The following DIS3L2 variants were observed in gnomAD, a reference collection of about 807,000 sequenced individuals.
DIS3L2 encodes DIS3-like exonuclease 2.
In DIS3L2, 34 loss-of-function variants were observed where a neutral mutation model predicts 97.5. The ratio of observed to expected loss-of-function variants is 0.35; its 90% CI spans 0.27 to 0.46. The LOEUF is 0.46. Among genes scored for constraint, DIS3L2 ranks in the 20% least tolerant of loss-of-function variants. The pLI, the probability that DIS3L2 is intolerant of heterozygous loss-of-function variation, is 1.00. For missense variants in DIS3L2, 1,038 were observed against 1,146.0 expected (o/e 0.91, Z 1.36); for synonymous variants, 435 against 445.2 (o/e 0.98, Z 0.29).
chr2:231,974,170 G>C (rs1441584438), intron 1 of DIS3L2, among the ~76,000 whole-genome samples: 1 of 152,100 alleles, frequency 6.6e-6, no homozygotes, highest in Non-Finnish European at 1.5e-5. Context: ...TTGGTGAAGT[G>C]GGGGACAAGG....
intron 10 of DIS3L2, among the ~76,000 whole-genome samples, chr2:232,235,895 C>T (rs1052168540): frequency 6.6e-6 from 1 of 152,186 alleles, no homozygotes. Flanking sequence ...AGTGACCCAG[C>T]GACACAGCTG....
chr2:232,087,922 T>C, intron 6 of DIS3L2: 1 of 546,432 alleles, frequency 1.8e-6, no homozygotes, highest in Non-Finnish European at 3.3e-6. Flanking sequence ...TCCAGCGGTT[T>C]GTGTGGGCAG....
intron 10 of DIS3L2, among the ~76,000 whole-genome samples, chr2:232,230,548 C>T (rs1005958312): frequency 3.9e-5 from 6 of 152,200 alleles, no homozygotes; most frequent in African/African-American, 1.4e-4. Flanking sequence ...TGGGTGGAAA[C>T]CAACCTGAGG....
intron 14 of DIS3L2, among the ~76,000 whole-genome samples, chr2:232,321,755 A>G (rs1396518412): frequency 6.6e-6 from 1 of 152,104 alleles, no homozygotes; most frequent in African/African-American, 2.4e-5. Context: ...TTCTGCCCTC[A>G]TCCAACTGCA....
chr2:231,992,653 C>T (rs753977611), intron 1 of DIS3L2, among the ~76,000 whole-genome samples: 9 of 152,080 alleles, frequency 5.9e-5, no homozygotes, highest in Non-Finnish European at 1.0e-4. Context: ...TCACTGAGCC[C>T]CTTGTGATAT....
At chr2:232,309,623 C>T (rs1349319896) in intron 14 of DIS3L2, among the ~76,000 whole-genome samples, 1 of 151,900 alleles carries the variant, frequency 6.6e-6, no homozygotes, top group Non-Finnish European at 1.5e-5. Context: ...GGATTACAGG[C>T]CCGCACAATG....
At position 232,059,478 on chromosome 2, in the gene DIS3L2, T is replaced by A. The variant is rs983487657; in HGVS notation, c.367-28009T>A. Among the ~76,000 whole-genome samples, 19 of 152,208 alleles carry A rather than the reference T, an allele frequency of 1.2e-4. 1 individual carries two copies. Among genetic ancestry groups the A allele is most frequent in the African/African-American group, 4.1e-4 (17 of 41,460 alleles). Reference sequence around the variant, plus strand: ...AGAACAACTCTTTTTACAAATTTTTTAAAAAATAATTTCAACTTTTATTTT... The same window carrying A: ...AGAACAACTCTTTTTACAAATTTTTAAAAAAATAATTTCAACTTTTATTTT... On this transcript the variant is annotated intron_variant, in intron 5 of 20. Transcript: ENST00000325385.
At chr2:232,095,111 A>G (rs1405584413) in intron 6 of DIS3L2, among the ~76,000 whole-genome samples, 1 of 151,852 alleles carries the variant, frequency 6.6e-6, no homozygotes, top group East Asian at 1.9e-4. Flanking sequence ...CCATTCAGCC[A>G]CTCTGTGTCT....
intron 15 of DIS3L2, among the ~76,000 whole-genome samples, chr2:232,330,484 G>A (rs1271095082): frequency 6.6e-6 from 1 of 152,172 alleles, no homozygotes; most frequent in Non-Finnish European, 1.5e-5. Context: ...AGTGAGTCCA[G>A]GCCAGCCAGC....
chr2:231,969,399 C>T (rs1692828413), intron 1 of DIS3L2, among the ~76,000 whole-genome samples: 1 of 151,076 alleles, frequency 6.6e-6, no homozygotes, highest in African/African-American at 2.4e-5. Flanking sequence ...CAACCTCTAC[C>T]TCCCAGGTTC....
intron 1 of DIS3L2, among the ~76,000 whole-genome samples, chr2:231,962,793 T>A (rs940414798): frequency 6.6e-6 from 1 of 152,182 alleles, no homozygotes; most frequent in African/African-American, 2.4e-5. Context: ...CTTGTAAGTG[T>A]GCTCAATGTT....
intron 1 of DIS3L2, among the ~76,000 whole-genome samples, chr2:231,966,640 C>CTTTTT (rs1692723037): frequency 1.7e-4 from 12 of 70,518 alleles, no homozygotes; most frequent in Non-Finnish European, 2.4e-4. Flanking sequence ...AGTTAAAAAA[C>CTTTTT]ATTTTTTTTT....
intron 10 of DIS3L2, among the ~76,000 whole-genome samples, chr2:232,236,505 C>T (rs1304397585): frequency 6.6e-6 from 1 of 152,090 alleles, no homozygotes; most frequent in Non-Finnish European, 1.5e-5. Context: ...TTCTTCTTTT[C>T]TTTCTTAGAC....
Position 232,334,635 on chromosome 2 carries a change from G to A in DIS3L2, c.2294G>A (p.Ser765Asn), listed in dbSNP as rs1695881885. ...GCTGCAGCACTGTCCCTGCAGGAGA[G>A]TGGCCCCCTGGAGTCAGAAGCCATG... Reference protein sequence around the residue: ...SLFFAVLVKESGPLESEAMVM... With the variant: ...SLFFAVLVKENGPLESEAMVM... Residue 765 changes from serine (S) to asparagine (N), a missense_variant, in exon 19 of 21, where the codon AGT becomes AAT. Ser to Asn is a conservative substitution (Grantham distance 46, BLOSUM62 1). This residue lies in a region of DIS3L2 where 221 missense variants were observed against 246.9 expected (regional missense o/e 0.90). Transcript: ENST00000325385. 1.2e-6 allele frequency: 2 copies of A among 1,607,576 alleles called. No individual in the cohort carries two copies. The highest frequency in any genetic ancestry group is 1.7e-6 in the Non-Finnish European group (2 of 1,177,318).
chr2:232,263,347 C>G lies in DIS3L2; in HGVS notation c.1566C>G (p.Ser522Arg), dbSNP rs374299868. 1.9e-6 allele frequency: 3 copies of G among 1,614,180 alleles called. No individual in the cohort carries two copies. Among genetic ancestry groups the G allele is most frequent in the African/African-American group, 2.7e-5 (2 of 75,046 alleles). The stretch of plus-strand genomic sequence containing the variant: ...CCCCCATTTCCCCAGAGCATAGCAG[C>G]GAGGAGGTACACCAGGCCGTCTTGA... ...ELPPISPEHSSEEVHQAVLNL... is the reference protein window; with the variant it reads ...ELPPISPEHSREEVHQAVLNL... Residue 522 changes from serine to arginine, a missense_variant, in exon 13 of 21, where the codon AGC (serine) becomes AGG (arginine). Physicochemically the swap from Ser to Arg is moderately radical, Grantham distance 110. This residue lies in a region of DIS3L2 where 813 missense variants were observed against 880.1 expected (regional missense o/e 0.92). Transcript: ENST00000325385.
chr2:232,217,029 G>A (rs1325808192), intron 10 of DIS3L2, among the ~76,000 whole-genome samples: 1 of 152,156 alleles, frequency 6.6e-6, no homozygotes, highest in Non-Finnish European at 1.5e-5. Context: ...TTTTAGTAGA[G>A]ATGGGGTTTC....
rs1412894109 is a variant in DIS3L2, at chr2:232,268,497, C to G, written c.1659+5057C>G. The stretch of plus-strand genomic sequence containing the variant: ...GTTTAGGCTTTGTGGGCTGTGCAGT[C>G]TCTGTCTCTGCTACTCAACTCTGCT... On this transcript the variant is annotated intron_variant, in intron 13 of 20. Transcript: ENST00000325385. The surrounding 1 kb of genome is among the most constrained non-coding windows in gnomAD (Gnocchi z 4.1). 1.3e-5 allele frequency among the ~76,000 whole-genome samples: 2 copies of G among 152,204 alleles called. No homozygotes were observed. Among genetic ancestry groups the G allele is most frequent in the African/African-American group, 2.4e-5 (1 of 41,450 alleles).
chr2:232,231,905 A>C (rs533080612), intron 10 of DIS3L2, among the ~76,000 whole-genome samples: 168 of 152,336 alleles, frequency 1.1e-3, no homozygotes, highest in Admixed American at 2.7e-3. Context: ...AGCTGTAGGA[A>C]GACACAGAAG....
intron 13 of DIS3L2, among the ~76,000 whole-genome samples, chr2:232,280,182 A>G (rs990194088): frequency 6.6e-6 from 1 of 152,136 alleles, no homozygotes; most frequent in African/African-American, 2.4e-5. Context: ...CTTTTGGAAA[A>G]CAGTTGCACC....
Sources: allele counts gnomAD v4.1 joint callset (sites outside exome capture counted in the v4.1 genomes callset), GRCh38; gene constraint gnomAD v4.1.1; regional missense constraint gnomAD v4.1.1; non-coding constraint Gnocchi (gnomAD v3.1); transcripts MANE v1.5; gene names NCBI Gene and HGNC (gene_info 2026-07-23, HGNC 2026-07-21).